TMEM117: variants seen among roughly 807,000 people sequenced by gnomAD.
TMEM117 encodes transmembrane protein 117.
In TMEM117, 27 loss-of-function variants were observed where a neutral mutation model predicts 52.4. The observed-to-expected ratio is 0.51, with a 90% CI of 0.38 to 0.71. The LOEUF (loss-of-function observed/expected upper bound fraction) is 0.71. Among genes scored for constraint, TMEM117 ranks in the 30% least tolerant of loss-of-function variants. The pLI, the probability that TMEM117 is intolerant of heterozygous loss-of-function variation, is 0.00. For missense variants in TMEM117, 556 were observed against 630.5 expected (o/e 0.88, Z 1.26); for synonymous variants, 215 against 206.3 (o/e 1.04, Z -0.36).
At chr12:44,114,029 G>A (rs1030385398) in intron 3 of TMEM117, among the ~76,000 whole-genome samples, 17 of 147,488 alleles carry the variant, frequency 1.2e-4, no homozygotes, top group South Asian at 4.3e-4. Context: ...GACCCCTTGC[G>A]CTTCCCAGGT....
rs138738516 is a variant in TMEM117, at chr12:44,288,229, A to G, written c.609-11351A>G. ...GCATAATTTTGGAGGTGATATGACC[A>G]ATTAAAGTATTTTGCTCCCTCTTTT... On this transcript the variant is annotated intron_variant, in intron 5 of 7. Coordinates refer to ENST00000266534, the MANE Select transcript of TMEM117 (RefSeq NM_032256.3). 4.6e-5 allele frequency among the ~76,000 whole-genome samples: 7 copies of G among 152,316 alleles called. No individual in the cohort carries two copies. In the East Asian group the frequency reaches 9.6e-4, roughly 21 times the overall value.
intron 7 of TMEM117, among the ~76,000 whole-genome samples, chr12:44,378,464 G>C (rs1291468180): frequency 1.3e-5 from 2 of 152,126 alleles, no homozygotes; most frequent in Non-Finnish European, 2.9e-5. Flanking sequence ...TCGGAAGGGG[G>C]CTATGCATGC....
intron 3 of TMEM117, among the ~76,000 whole-genome samples, chr12:44,068,796 T>A (rs1203562545): frequency 2.6e-5 from 4 of 152,200 alleles, no homozygotes; most frequent in Non-Finnish European, 2.9e-5. Context: ...AAAACAGTGC[T>A]GACAGATTGC....
At chr12:44,239,844 A>T (rs1033242503) in intron 5 of TMEM117, among the ~76,000 whole-genome samples, 8 of 152,114 alleles carry the variant, frequency 5.3e-5, no homozygotes, top group Non-Finnish European at 1.0e-4. Flanking sequence ...TTTCCTCTTT[A>T]TCTTTATAAG....
At chr12:43,877,431 C>T (rs538239246) in intron 2 of TMEM117, among the ~76,000 whole-genome samples, 1 of 151,798 alleles carries the variant, frequency 6.6e-6, no homozygotes, top group African/African-American at 2.4e-5. Flanking sequence ...GTCAGGAGTT[C>T]GAGACCAGCC....
At chr12:44,125,329 G>C (rs1415058661) in intron 3 of TMEM117, among the ~76,000 whole-genome samples, 1 of 152,110 alleles carries the variant, frequency 6.6e-6, no homozygotes, top group Middle Eastern at 3.4e-3. Flanking sequence ...GGATGGTCTC[G>C]ATCTCCTGAC....
intron 4 of TMEM117, among the ~76,000 whole-genome samples, chr12:44,172,119 C>T (rs1471085590): frequency 1.3e-5 from 2 of 152,190 alleles, no homozygotes; most frequent in Non-Finnish European, 2.9e-5. Flanking sequence ...ACGCTGGGGA[C>T]AGTGGAAAGC....
At chr12:44,227,689 G>T (rs1182089364) in intron 5 of TMEM117, among the ~76,000 whole-genome samples, 1 of 152,044 alleles carries the variant, frequency 6.6e-6, no homozygotes, top group Non-Finnish European at 1.5e-5. Flanking sequence ...AATGTAGAAA[G>T]GTCCTTTTTG....
chr12:44,075,993 A>G (rs1186120426), intron 3 of TMEM117, among the ~76,000 whole-genome samples: 2 of 152,210 alleles, frequency 1.3e-5, no homozygotes, highest in Non-Finnish European at 2.9e-5. Flanking sequence ...GTGGGGCCAA[A>G]GTTCCCTATT....
At chr12:43,884,923 G>A (rs575439287) in intron 2 of TMEM117, among the ~76,000 whole-genome samples, 20 of 152,232 alleles carry the variant, frequency 1.3e-4, no homozygotes, top group African/African-American at 4.6e-4. Flanking sequence ...TCCCCAGCAA[G>A]CCTTTGTCTC....
At chr12:44,115,407 T>C (rs555213579) in intron 3 of TMEM117, among the ~76,000 whole-genome samples, 1 of 152,144 alleles carries the variant, frequency 6.6e-6, no homozygotes. Context: ...TGTATACATA[T>C]GTACCAAACC....
chr12:44,042,414 A>T (rs1031826850), intron 3 of TMEM117, among the ~76,000 whole-genome samples: 1 of 151,674 alleles, frequency 6.6e-6, no homozygotes, highest in Non-Finnish European at 1.5e-5. Flanking sequence ...TGTCAACTTG[A>T]CTGGATTGAA....
intron 5 of TMEM117, among the ~76,000 whole-genome samples, chr12:44,281,543 A>G (rs1950576943): frequency 6.6e-6 from 1 of 152,196 alleles, no homozygotes; most frequent in African/African-American, 2.4e-5. Flanking sequence ...AACCCAGTAT[A>G]TAAATTCATC....
intron 1 of TMEM117, among the ~76,000 whole-genome samples, chr12:43,841,553 C>T (rs901534830): frequency 1.3e-5 from 2 of 152,108 alleles, no homozygotes; most frequent in Non-Finnish European, 2.9e-5. Context: ...TTTGAATGTT[C>T]TAATTTAACT....
At chr12:44,163,699 G>A (rs1948927085) in intron 4 of TMEM117, among the ~76,000 whole-genome samples, 1 of 152,184 alleles carries the variant, frequency 6.6e-6, no homozygotes, top group African/African-American at 2.4e-5. Context: ...GGATAAAAAT[G>A]TGAACATCAC....
chr12:44,286,230 G>A (rs1950636592), intron 5 of TMEM117, among the ~76,000 whole-genome samples: 2 of 151,132 alleles, frequency 1.3e-5, no homozygotes, highest in South Asian at 4.2e-4. Context: ...ATGAACATAA[G>A]GAATATGATA....
chr12:44,048,913 A>G (rs1448439296), intron 3 of TMEM117, among the ~76,000 whole-genome samples: 1 of 152,236 alleles, frequency 6.6e-6, no homozygotes, highest in Non-Finnish European at 1.5e-5. Context: ...TTAATGCTGT[A>G]ATCATTTTTG....
chr12:44,311,584 G>T (rs929234934), intron 6 of TMEM117, among the ~76,000 whole-genome samples: 1 of 151,680 alleles, frequency 6.6e-6, no homozygotes, highest in African/African-American at 2.4e-5. Context: ...GAGGGAGGAC[G>T]TAGAGATGAC....
At chr12:44,236,992 C>T (rs975760299) in intron 5 of TMEM117, among the ~76,000 whole-genome samples, 22 of 152,126 alleles carry the variant, frequency 1.4e-4, no homozygotes, top group African/African-American at 5.3e-4. Flanking sequence ...GAATCATGAG[C>T]GGTTCAAGGT....
Sources: allele counts gnomAD v4.1 joint callset (sites outside exome capture counted in the v4.1 genomes callset), GRCh38; gene constraint gnomAD v4.1.1; transcripts MANE v1.5; gene names NCBI Gene and HGNC (gene_info 2026-07-23, HGNC 2026-07-21).